Variants in C14orf132 observed in about 807,000 individuals in gnomAD.
C14orf132 encodes the protein uncharacterized protein C14orf132.
A neutral mutation model predicts 5.8 loss-of-function variants in C14orf132; 6 were observed. The ratio of observed to expected loss-of-function variants is 1.03; its 90% CI spans 0.57 to 2.04. C14orf132 has a LOEUF of 2.04. Among genes scored for constraint, C14orf132 ranks in the 30% most tolerant of loss-of-function variants. The pLI is 0.00. For missense variants in C14orf132, 125 were observed against 115.8 expected, an observed-to-expected ratio of 1.08 and a Z score of -0.37; for synonymous variants, 51 against 49.8, an observed-to-expected ratio of 1.02 and a Z score of -0.10.
Position 96,091,958 on chromosome 14 carries a change from GA to G in C14orf132, c.*5224del. On this transcript the variant is annotated 3_prime_UTR_variant, in exon 2 of 2. Coordinates refer to ENST00000555004, the MANE Select transcript of C14orf132 (RefSeq NM_001252507.3). ...TTGAGCATTTACTGGGTTTCTTTTT[GA>G]GGAAGAGGGAAAGTGACAAAGGACA... 1 of 152,336 alleles carries G rather than the reference GA, an allele frequency of 6.6e-6. No individual in the cohort carries two copies. The highest frequency in any genetic ancestry group is 2.1e-4 in the South Asian group (1 of 4,832). 9.4% of individuals were successfully genotyped at this position (152,336 alleles called of 1,614,324 possible). A position where few individuals can be genotyped will look rare whatever the true frequency, so the allele number is the denominator to read the frequency against.
intron 1 of C14orf132, among the ~76,000 whole-genome samples, chr14:96,053,583 C>T (rs941824783): frequency 2.6e-5 from 4 of 152,244 alleles, no homozygotes; most frequent in South Asian, 2.1e-4. Context: ...GGCAGGCCCC[C>T]TCCTCTTCTG....
At chr14:96,049,600 G>T (rs1284851092) in intron 1 of C14orf132, among the ~76,000 whole-genome samples, 1 of 108,132 alleles carries the variant, frequency 9.2e-6, no homozygotes, top group Non-Finnish European at 1.8e-5. Context: ...ACATATATAC[G>T]TATATATATA....
intron 1 of C14orf132, among the ~76,000 whole-genome samples, chr14:96,040,123 A>G (rs755346419): frequency 1.7e-4 from 24 of 141,600 alleles, no homozygotes; most frequent in Non-Finnish European, 3.6e-4. Flanking sequence ...CAGCGCGGCC[A>G]GAACCCCCCC....
At chr14:96,049,655 G>T (rs61982724) in intron 1 of C14orf132, among the ~76,000 whole-genome samples, 32,955 of 70,934 alleles carry the variant, frequency 0.46, 9,555 homozygotes, top group Non-Finnish European at 0.53. Context: ...TATATATATA[G>T]AGAGAGAGAG....
chr14:96,083,084 A>G (rs1435610773), intron 1 of C14orf132, among the ~76,000 whole-genome samples: 1 of 152,304 alleles, frequency 6.6e-6, no homozygotes, highest in Middle Eastern at 3.4e-3. Flanking sequence ...TGCAGGGCAA[A>G]GGGGACTCCC....
At position 96,066,739 on chromosome 14, in the gene C14orf132, A is replaced by G. The variant is rs1887542086; in HGVS notation, c.28-19772A>G. 2.6e-5 allele frequency among the ~76,000 whole-genome samples: 4 copies of G among 152,230 alleles called. No individual in the cohort carries two copies. The South Asian group carries it at 8.3e-4, about 32-fold the overall frequency. ...CAGTTAACTATAATGTAATGTGAGT[A>G]CACATCTAACTATAAGATAATGTAA... On this transcript the variant is annotated intron_variant, in intron 1 of 1. Coordinates refer to ENST00000555004, the MANE Select transcript of C14orf132 (RefSeq NM_001252507.3).
At chr14:96,075,577 C>G (rs1469598942) in intron 1 of C14orf132, among the ~76,000 whole-genome samples, 1 of 152,068 alleles carries the variant, frequency 6.6e-6, no homozygotes, top group African/African-American at 2.4e-5. Context: ...TCTAGATGTT[C>G]TTTATCAGAT....
intron 1 of C14orf132, among the ~76,000 whole-genome samples, chr14:96,074,281 A>T (rs1347657167): frequency 1.3e-5 from 2 of 152,170 alleles, no homozygotes; most frequent in East Asian, 3.8e-4. Flanking sequence ...TGTCAGATAG[A>T]TGATTTGTAA....
chr14:96,058,743 A>G (rs1887256972), intron 1 of C14orf132, among the ~76,000 whole-genome samples: 1 of 152,166 alleles, frequency 6.6e-6, no homozygotes, highest in Admixed American at 6.5e-5. Flanking sequence ...GGATCCATAG[A>G]TTTCCCTGCC....
intron 1 of C14orf132, among the ~76,000 whole-genome samples, chr14:96,058,861 T>G (rs2139656206): frequency 6.6e-6 from 1 of 152,378 alleles, no homozygotes; most frequent in Non-Finnish European, 1.5e-5. Context: ...AGCCACAGGT[T>G]GCCCAAGGGG....
intron 1 of C14orf132, among the ~76,000 whole-genome samples, chr14:96,046,346 G>C (rs903174630): frequency 6.6e-6 from 1 of 152,142 alleles, no homozygotes; most frequent in Non-Finnish European, 1.5e-5. Flanking sequence ...GATTCATCCC[G>C]GGGCTGCCAG....
chr14:96,087,968 C>T lies in C14orf132; in HGVS notation c.*1233C>T, dbSNP rs981269746. 6.7e-6 allele frequency: 1 copy of T among 150,058 alleles called. No homozygotes were observed. The highest frequency in any genetic ancestry group is 1.5e-5 in the Non-Finnish European group (1 of 67,354). The allele number at this position is 150,058 out of a possible 1,614,324, so 9.3% of individuals were successfully genotyped here. ...CCACCCCCACCCCCACCCCCCACACCTTCCCAAGGCAGCATCCCAGTGCAG... is the reference window on the plus strand; with the variant it reads ...CCACCCCCACCCCCACCCCCCACACTTTCCCAAGGCAGCATCCCAGTGCAG... On this transcript the variant is annotated 3_prime_UTR_variant, in exon 2 of 2. Transcript: ENST00000555004.
At chr14:96,069,257 A>C (rs1485741177) in intron 1 of C14orf132, among the ~76,000 whole-genome samples, 1 of 768 alleles carries the variant, frequency 1.3e-3, no homozygotes, top group Non-Finnish European at 2.3e-3. Context: ...GTTTATGTTC[A>C]TATATATATA....
At chr14:96,069,971 G>A (rs1469177996) in intron 1 of C14orf132, among the ~76,000 whole-genome samples, 3 of 152,182 alleles carry the variant, frequency 2.0e-5, no homozygotes, top group Non-Finnish European at 4.4e-5. Context: ...AGACCCCGTG[G>A]AGGAAATTCA....
At chr14:96,070,684 A>G (rs759601062) in intron 1 of C14orf132, among the ~76,000 whole-genome samples, 1 of 151,942 alleles carries the variant, frequency 6.6e-6, no homozygotes. Context: ...CCTTAGGCAA[A>G]TCGCTTAACC....
intron 1 of C14orf132, among the ~76,000 whole-genome samples, chr14:96,081,580 T>C (rs995837672): frequency 2.6e-5 from 4 of 152,194 alleles, no homozygotes; most frequent in Non-Finnish European, 5.9e-5. Context: ...CAGCCTTCTG[T>C]CTTCAACAAG....
At chr14:96,076,246 G>T (rs1028705338) in intron 1 of C14orf132, among the ~76,000 whole-genome samples, 2 of 152,010 alleles carry the variant, frequency 1.3e-5, no homozygotes, top group Non-Finnish European at 2.9e-5. Context: ...CTGCCCTTTT[G>T]CTGTCAGTAA....
intron 1 of C14orf132, among the ~76,000 whole-genome samples, chr14:96,061,354 G>A (rs1238500712): frequency 6.6e-6 from 1 of 152,198 alleles, no homozygotes; most frequent in Non-Finnish European, 1.5e-5. Context: ...TGTTGGAGTA[G>A]CTGGGGTTGG....
intron 1 of C14orf132, among the ~76,000 whole-genome samples, chr14:96,055,230 G>T (rs944673678): frequency 1.3e-5 from 2 of 152,172 alleles, no homozygotes; most frequent in East Asian, 1.9e-4. Flanking sequence ...TGGGTTCCGC[G>T]CATGCCATGG....
Sources: gnomAD v4.1 joint callset for allele counts (sites outside exome capture counted in the v4.1 genomes callset) on GRCh38, gnomAD v4.1.1 for gene constraint, MANE v1.5 for transcripts, NCBI Gene and HGNC (gene_info 2026-07-23, HGNC 2026-07-21) for gene names.